Variants in TENM4 observed in about 807,000 individuals in gnomAD.
TENM4 encodes teneurin transmembrane protein 4.
TENM4 carries 82 observed loss-of-function variants against 243.3 expected under a neutral mutation model. That is an observed-to-expected ratio of 0.34 (90% confidence interval 0.28 to 0.40). The LOEUF (loss-of-function observed/expected upper bound fraction) is 0.40. TENM4 is among the 10% of genes least tolerant of loss of function. The probability of loss-of-function intolerance (pLI) is 1.00; values close to 1 mark genes in which losing one functional copy is unlikely to be tolerated. For missense variants in TENM4, 3,138 were observed against 3,673.3 expected, an observed-to-expected ratio of 0.85 and a Z score of 3.77; for synonymous variants, 1,412 against 1,456.3, an observed-to-expected ratio of 0.97 and a Z score of 0.69.
chr11:78,768,611 TTGAG>T (rs373264207), intron 18 of TENM4, among the ~76,000 whole-genome samples: 32 of 152,338 alleles, frequency 2.1e-4, no homozygotes, highest in African/African-American at 6.7e-4. Context: ...TTAACATTGG[TTGAG>T]TGAGTGAATA....
At chr11:79,423,776 G>A (rs1858990418) in intron 1 of TENM4, among the ~76,000 whole-genome samples, 1 of 152,088 alleles carries the variant, frequency 6.6e-6, no homozygotes, top group South Asian at 2.1e-4. Flanking sequence ...AGAGAAGAAG[G>A]AGTGACCAGC....
At chr11:79,109,890 A>G (rs1377788774) in intron 4 of TENM4, among the ~76,000 whole-genome samples, 1 of 152,188 alleles carries the variant, frequency 6.6e-6, no homozygotes, top group African/African-American at 2.4e-5. Context: ...GGCTACCCAC[A>G]GGGTTGTAGT....
intron 19 of TENM4, among the ~76,000 whole-genome samples, chr11:78,739,781 G>A (rs186508031): frequency 1.1e-4 from 17 of 152,324 alleles, no homozygotes; most frequent in African/African-American, 2.9e-4. Context: ...TGGAGTTTCC[G>A]TGTCTGCAGA....
In TENM4 at chr11:79,378,847, C is replaced by CA. The variant is rs1857943707; in HGVS notation, c.-321+61661dup. Among the ~76,000 whole-genome samples, 3 of 146,512 alleles carry CA rather than the reference C, an allele frequency of 2.0e-5. No homozygotes were observed. In the Admixed American group the frequency reaches 2.1e-4, roughly 10 times the overall value. On this transcript the variant is annotated intron_variant, in intron 1 of 33. Coordinates refer to ENST00000278550, the MANE Select transcript of TENM4 (RefSeq NM_001098816.3). ...GTAGTGAGCTATGATTGCACCAATG[C>CA]ACTCCAGCCTGGGTGACAGAATGAG...
At chr11:78,832,838 T>C (rs559815145) in intron 12 of TENM4, among the ~76,000 whole-genome samples, 2 of 152,378 alleles carry the variant, frequency 1.3e-5, no homozygotes, top group South Asian at 4.1e-4. Flanking sequence ...CAACAGTGTA[T>C]GGAAAGGCTG....
Position 78,863,138 on chromosome 11 carries a change from G to A in TENM4, c.1085-6C>T. On this transcript the variant is annotated splice_region_variant and splice_polypyrimidine_tract_variant and intron_variant, in intron 9 of 33. Transcript: ENST00000278550. The stretch of plus-strand genomic sequence containing the variant: ...TAGGCCAAACAGGTGCATGGCTGTG[G>A]TGAGCAATGAGAAAAGTCATCTTTT... 1 of 1,486,400 alleles carries A rather than the reference G, an allele frequency of 6.7e-7. No homozygotes were observed. Among genetic ancestry groups the A allele is most frequent in the Non-Finnish European group, 9.1e-7 (1 of 1,101,708 alleles). 92.1% of individuals were successfully genotyped at this position (1,486,400 alleles called of 1,614,324 possible).
chr11:78,907,724 G>A (rs922442633), intron 6 of TENM4, among the ~76,000 whole-genome samples: 4 of 152,196 alleles, frequency 2.6e-5, no homozygotes, highest in Non-Finnish European at 5.9e-5. Context: ...TTTACAGAAT[G>A]TCGGGGAAAG....
At chr11:78,725,485 A>G (rs1855489821) in intron 23 of TENM4, among the ~76,000 whole-genome samples, 1 of 152,188 alleles carries the variant, frequency 6.6e-6, no homozygotes, top group Non-Finnish European at 1.5e-5. Flanking sequence ...CCTTGGATGA[A>G]GTTGAAAGTC....
At chr11:78,885,776 G>A (rs1357360710) in intron 9 of TENM4, among the ~76,000 whole-genome samples, 1 of 152,090 alleles carries the variant, frequency 6.6e-6, no homozygotes, top group Non-Finnish European at 1.5e-5. Context: ...AATTTAAAAA[G>A]TAGCCAGGTG....
chr11:78,994,600 T>C (rs894119605), intron 6 of TENM4, among the ~76,000 whole-genome samples: 3 of 152,240 alleles, frequency 2.0e-5, no homozygotes, highest in Non-Finnish European at 2.9e-5. Context: ...TCATACACTG[T>C]GTTCATTTTT....
chr11:78,746,991 A>G (rs1438803125), intron 19 of TENM4, among the ~76,000 whole-genome samples: 2 of 152,216 alleles, frequency 1.3e-5, no homozygotes, highest in African/African-American at 4.8e-5. Flanking sequence ...AGAATGAACC[A>G]TGATCAGACC....
intron 6 of TENM4, among the ~76,000 whole-genome samples, chr11:78,927,679 A>AT (rs1157942124): frequency 3.3e-5 from 5 of 152,166 alleles, no homozygotes; most frequent in Non-Finnish European, 5.9e-5. Flanking sequence ...TGTTAAGGCA[A>AT]AGGGCTCTTC....
intron 1 of TENM4, among the ~76,000 whole-genome samples, chr11:79,346,947 CCTT>C (rs1857335873): frequency 6.6e-6 from 1 of 152,208 alleles, no homozygotes; most frequent in African/African-American, 2.4e-5. Context: ...GGGTTTCTCT[CCTT>C]ATCCCACCAA....
chr11:78,737,574 G>A (rs781009942), intron 20 of TENM4, among the ~76,000 whole-genome samples: 9 of 152,124 alleles, frequency 5.9e-5, no homozygotes, highest in African/African-American at 1.7e-4. Flanking sequence ...ATGGGCCCAC[G>A]CTTAGCCAGA....
intron 2 of TENM4, among the ~76,000 whole-genome samples, chr11:79,289,425 C>T (rs994646344): frequency 6.6e-5 from 10 of 152,192 alleles, no homozygotes; most frequent in African/African-American, 2.2e-4. Flanking sequence ...GTTGAGTCTC[C>T]AGGAATGGCC....
chr11:79,184,926 C>T (rs1863354986), intron 3 of TENM4, among the ~76,000 whole-genome samples: 1 of 152,086 alleles, frequency 6.6e-6, no homozygotes, highest in Non-Finnish European at 1.5e-5. Context: ...TCTCAATATC[C>T]CATACTAAGC....
rs189906148 is a variant in TENM4 at position 79,310,475 on chromosome 11, A to G, written c.-320-12932T>C. On this transcript the variant is annotated intron_variant, in intron 1 of 33. Transcript: ENST00000278550. ...GGCTCTAGCCTGAATACGCACTCAT[A>G]TGGCCTCCCTGAATTCCCTAGCTTC... 1.3e-3 allele frequency among the ~76,000 whole-genome samples: 199 copies of G among 152,340 alleles called. 1 individual carries two copies. In the Middle Eastern group the frequency reaches 0.014, roughly 10 times the overall value.
intron 6 of TENM4, among the ~76,000 whole-genome samples, chr11:79,017,879 T>C (rs948506008): frequency 6.6e-6 from 1 of 152,216 alleles, no homozygotes; most frequent in African/African-American, 2.4e-5. Context: ...CTACTGTCAC[T>C]GTCTTGAAAT....
At chr11:78,857,175 A>G (rs1163042439) in intron 10 of TENM4, among the ~76,000 whole-genome samples, 1 of 152,244 alleles carries the variant, frequency 6.6e-6, no homozygotes, top group African/African-American at 2.4e-5. Flanking sequence ...GACCACCCTT[A>G]GCACACTGAA....
Sources: gnomAD v4.1 joint callset for allele counts (sites outside exome capture counted in the v4.1 genomes callset) on GRCh38, gnomAD v4.1.1 for gene constraint, MANE v1.5 for transcripts, NCBI Gene and HGNC (gene_info 2026-07-23, HGNC 2026-07-21) for gene names.